The following GALNT17 variants were observed in gnomAD, a reference collection of about 807,000 sequenced individuals.
GALNT17 encodes polypeptide N-acetylgalactosaminyltransferase 17.
Under a neutral mutation model 63.7 loss-of-function variants are expected in GALNT17, and 29 were observed. The observed-to-expected ratio is 0.46, with a 90% CI of 0.34 to 0.62. The LOEUF is 0.62. Among genes scored for constraint, GALNT17 ranks in the 20% least tolerant of loss-of-function variants. The probability of loss-of-function intolerance (pLI) is 0.01; values close to 1 mark genes in which losing one functional copy is unlikely to be tolerated. For synonymous variants in GALNT17, 305 were observed against 318.3 expected, an observed-to-expected ratio of 0.96 and a Z score of 0.45; for missense variants, 603 against 799.6, an observed-to-expected ratio of 0.75 and a Z score of 2.97.
intron 2 of GALNT17, among the ~76,000 whole-genome samples, chr7:71,383,278 C>G (rs961857258): frequency 6.6e-6 from 1 of 152,092 alleles, no homozygotes; most frequent in African/African-American, 2.4e-5. Flanking sequence ...ATACCAAAAT[C>G]CCTGGAAGCT....
intron 5 of GALNT17, among the ~76,000 whole-genome samples, chr7:71,501,360 C>T (rs961742155): frequency 5.3e-5 from 8 of 151,600 alleles, no homozygotes; most frequent in African/African-American, 1.9e-4. Context: ...AAACTCCTGG[C>T]CTCAAGTGAT....
At chr7:71,492,313 A>G (rs1788025058) in intron 5 of GALNT17, among the ~76,000 whole-genome samples, 1 of 152,174 alleles carries the variant, frequency 6.6e-6, no homozygotes, top group Non-Finnish European at 1.5e-5. Context: ...TTAAATATGA[A>G]TAAAATGGAG....
chr7:71,663,873 C>T (rs569668220), intron 6 of GALNT17, among the ~76,000 whole-genome samples: 4 of 152,302 alleles, frequency 2.6e-5, no homozygotes, highest in African/African-American at 9.6e-5. Flanking sequence ...ATGAGCCTAC[C>T]TGAGTCAGCT....
intron 2 of GALNT17, among the ~76,000 whole-genome samples, chr7:71,377,114 A>AAAATAT: frequency 0.016 from 935 of 57,320 alleles, 137 homozygotes; most frequent in African/African-American, 0.02. Context: ...AAATAAAAAA[A>AAAATAT]ATATATATAT....
intron 1 of GALNT17, among the ~76,000 whole-genome samples, chr7:71,257,734 C>T (rs1017783017): frequency 6.6e-6 from 1 of 152,156 alleles, no homozygotes; most frequent in African/African-American, 2.4e-5. Flanking sequence ...TGCTGCAGAA[C>T]GAACCAACAG....
chr7:71,525,695 T>TA (rs1403794920), intron 5 of GALNT17, among the ~76,000 whole-genome samples: 9 of 151,556 alleles, frequency 5.9e-5, no homozygotes, highest in African/African-American at 1.7e-4. Context: ...TTTTTTTTTT[T>TA]AATAAATTAC....
intron 1 of GALNT17, among the ~76,000 whole-genome samples, chr7:71,172,794 A>C (rs1473183289): frequency 6.6e-6 from 1 of 152,224 alleles, no homozygotes; most frequent in Non-Finnish European, 1.5e-5. Context: ...TAATCTGATA[A>C]CTGAGATAAG....
At chr7:71,386,382 G>A (rs73360161) in intron 2 of GALNT17, among the ~76,000 whole-genome samples, 2,832 of 152,104 alleles carry the variant, frequency 0.019, 99 homozygotes, top group African/African-American at 0.065. Context: ...TCCCTGTTCC[G>A]TTGTGCTATA....
At chr7:71,267,041 A>G (rs1000066667) in intron 1 of GALNT17, among the ~76,000 whole-genome samples, 1 of 152,324 alleles carries the variant, frequency 6.6e-6, no homozygotes, top group Admixed American at 6.5e-5. Context: ...CTTTGCAACA[A>G]TTTCAGGAAT....
chr7:71,298,136 T>C (rs1791116978), intron 1 of GALNT17, among the ~76,000 whole-genome samples: 1 of 152,178 alleles, frequency 6.6e-6, no homozygotes, highest in African/African-American at 2.4e-5. Flanking sequence ...TTCTCCTGCC[T>C]CAGCCTCCTG....
chr7:71,512,889 T>C (rs899079603), intron 5 of GALNT17, among the ~76,000 whole-genome samples: 1 of 152,346 alleles, frequency 6.6e-6, no homozygotes, highest in East Asian at 1.9e-4. Context: ...GATTGTCAAA[T>C]GGGCCAAGAT....
At chr7:71,671,601 A>T (rs1791070429) in intron 8 of GALNT17, among the ~76,000 whole-genome samples, 1 of 152,210 alleles carries the variant, frequency 6.6e-6, no homozygotes, top group Admixed American at 6.5e-5. Context: ...AAATCCTAGT[A>T]GGCTGTTACC....
chr7:71,228,701 C>T (rs1328266710), intron 1 of GALNT17, among the ~76,000 whole-genome samples: 1 of 152,184 alleles, frequency 6.6e-6, no homozygotes, highest in African/African-American at 2.4e-5. Flanking sequence ...CTCTTTTCTC[C>T]TGCATGTGTC....
chr7:71,346,397 A>T (rs1246058722), intron 2 of GALNT17, among the ~76,000 whole-genome samples: 7 of 152,016 alleles, frequency 4.6e-5, no homozygotes, highest in Admixed American at 2.0e-4. Context: ...TTTCCCTTTT[A>T]TTGACTACCT....
rs543316367 is a variant in GALNT17 at position 71,408,808 on chromosome 7, G to A, written c.590-7081G>A. On this transcript the variant is annotated intron_variant, in intron 3 of 10. Transcript: ENST00000333538. ...GGATCGCTTGAGCTCAGGAGGTCGA[G>A]GCTGTAGTGAGCCGTGATTGCACCA... 3.9e-5 allele frequency among the ~76,000 whole-genome samples: 6 copies of A among 152,086 alleles called. No individual in the cohort carries two copies. The South Asian group carries it at 6.2e-4, about 16-fold the overall frequency.
At chr7:71,617,954 C>T (rs1170371541) in intron 6 of GALNT17, among the ~76,000 whole-genome samples, 1 of 151,990 alleles carries the variant, frequency 6.6e-6, no homozygotes, top group African/African-American at 2.4e-5. Flanking sequence ...GCCGATAGAT[C>T]GTTTTTTTAA....
At chr7:71,458,767 A>C (rs1320257926) in intron 5 of GALNT17, among the ~76,000 whole-genome samples, 1 of 152,182 alleles carries the variant, frequency 6.6e-6, no homozygotes, top group East Asian at 1.9e-4. Context: ...AACCGTCCCC[A>C]GCTGAACTCC....
chr7:71,284,306 C>T (rs905971420), intron 1 of GALNT17: 1 of 153,640 alleles, frequency 6.5e-6, no homozygotes, highest in African/African-American at 2.4e-5. Flanking sequence ...AAACGATTCT[C>T]CTGCCTCAGC....
chr7:71,132,975 C>T lies in GALNT17; in HGVS notation c.173C>T (p.Pro58Leu), dbSNP rs1787713090. Residue 58 changes from proline (P) to leucine (L), a missense_variant, in exon 1 of 11, where the codon CCC becomes CTC. Pro to Leu is a moderately conservative substitution (Grantham distance 98). Around this residue, in one of 3 missense-constraint regions of GALNT17, gnomAD observed 195 missense variants for 215.0 expected, o/e 0.91. Coordinates refer to ENST00000333538, the MANE Select transcript of GALNT17 (RefSeq NM_022479.3). ...VANLSAHSASPIQDAVLKRLS... is the reference protein window; with the variant it reads ...VANLSAHSASLIQDAVLKRLS... ...AACCTCAGCGCGCACAGCGCCAGCC[C>T]CATCCAGGATGCGGTCCTGAAGCGC... 3 of 1,609,244 alleles carry T rather than the reference C, an allele frequency of 1.9e-6. No individual in the cohort carries two copies. The highest frequency in any genetic ancestry group is 8.5e-7 in the Non-Finnish European group (1 of 1,179,034).
Sources: allele counts gnomAD v4.1 joint callset (sites outside exome capture counted in the v4.1 genomes callset), GRCh38; gene constraint gnomAD v4.1.1; regional missense constraint gnomAD v4.1.1; transcripts MANE v1.5; gene names NCBI Gene and HGNC (gene_info 2026-07-23, HGNC 2026-07-21).